The following UMODL1 variants were observed in gnomAD, a reference collection of about 807,000 sequenced individuals.
The protein encoded by UMODL1 is uromodulin-like 1.
A neutral mutation model predicts 136.3 loss-of-function variants in UMODL1; 128 were observed. The ratio of observed to expected loss-of-function variants is 0.94; its 90% CI spans 0.81 to 1.09. The LOEUF is 1.09. Among genes scored for constraint, UMODL1 ranks in the 50% least tolerant of loss-of-function variants. The pLI, the probability that UMODL1 is intolerant of heterozygous loss-of-function variation, is 0.00. For missense variants in UMODL1, 1,766 were observed against 1,725.6 expected (o/e 1.02, Z -0.41); for synonymous variants, 721 against 720.0 (o/e 1.00, Z -0.02).
At position 42,137,608 on chromosome 21, in the gene UMODL1, G is replaced by A; in HGVS notation, c.3945G>A (p.Val1315=). Residue 1315 remains valine (V), a synonymous_variant, in exon 22 of 23, where the codon GTG becomes GTA. Coordinates refer to ENST00000408910, the MANE Select transcript of UMODL1 (RefSeq NM_001004416.3). The part of the protein sequence containing the change: ...KIQSNNFSYQ[V]FYE ...AGTCCAACAACTTCAGCTACCAGGT[G>A]TTCTACGAATAGGAGGCGCAGGCTG... 1 of 1,613,200 alleles carries A rather than the reference G, an allele frequency of 6.2e-7. No homozygotes were observed. The highest frequency in any genetic ancestry group is 1.1e-5 in the South Asian group (1 of 91,064).
At chr21:42,079,683 C>T (rs2066337389) in intron 2 of UMODL1, among the ~76,000 whole-genome samples, 1 of 152,202 alleles carries the variant, frequency 6.6e-6, no homozygotes, top group South Asian at 2.1e-4. Context: ...CCCTCCAATC[C>T]CTCGGGCACC....
rs756799937 is a variant in UMODL1 at position 42,137,569 on chromosome 21, C to T, written c.3906C>T (p.Tyr1302=). 1.2e-6 allele frequency: 2 copies of T among 1,614,168 alleles called. No individual in the cohort carries two copies. Among genetic ancestry groups the T allele is most frequent in the Admixed American group, 1.7e-5 (1 of 60,026 alleles). ...IVRYQRMNGR[Y]NFKIQSNNFS... is the part of the protein sequence containing the mutation. ...GCTACCAGAGAATGAATGGGAGATACAACTTTAAAATCCAGTCCAACAACT... is the reference window on the plus strand; with the variant it reads ...GCTACCAGAGAATGAATGGGAGATATAACTTTAAAATCCAGTCCAACAACT... The change falls in exon 22 of 23, where the codon TAC becomes TAT. Residue 1302 remains tyrosine (Y), a synonymous_variant. Transcript: ENST00000408910.
At chr21:42,075,241 T>C (rs1346349175) in intron 1 of UMODL1, among the ~76,000 whole-genome samples, 2 of 142,916 alleles carry the variant, frequency 1.4e-5, no homozygotes, top group Non-Finnish European at 3.1e-5. Context: ...TTGCTGGAGA[T>C]GGGGGGGGGG....
chr21:42,088,187 TGGTAC>T (rs546744894), intron 4 of UMODL1, 102 bp from the exon 5 acceptor site: 72 of 1,175,866 alleles, frequency 6.1e-5, no homozygotes, highest in Non-Finnish European at 8.2e-5. Flanking sequence ...AAGAGCAGAA[TGGTAC>T]GTGTGTGTGG....
At chr21:42,087,321 G>T (rs2066437558) in intron 4 of UMODL1, among the ~76,000 whole-genome samples, 1 of 152,128 alleles carries the variant, frequency 6.6e-6, no homozygotes. Context: ...ATTATGAGCT[G>T]CATCTCCTCC....
At position 42,102,124 on chromosome 21, in the gene UMODL1, G is replaced by A. The variant is rs1238192886; in HGVS notation, c.1187-42G>A. On this transcript the variant is annotated intron_variant, in intron 7 of 22. Transcript: ENST00000408910. ...GGAAAACATTAACAGACAAGTGTGT[G>A]ACTTTTGACCACAGGCTAATTTGTT... is the stretch of plus-strand genomic sequence containing the variant. The A allele has an allele frequency of 9.5e-6, 14 of 1,479,452 alleles. No individual in the cohort carries two copies. In the East Asian group the frequency reaches 1.1e-4, roughly 12 times the overall value. 91.6% of individuals were successfully genotyped at this position (1,479,452 alleles called of 1,614,324 possible). A position where few individuals can be genotyped will look rare whatever the true frequency, so the allele number is the denominator to read the frequency against.
At chr21:42,129,528 A>C (rs1410812556) in intron 20 of UMODL1, among the ~76,000 whole-genome samples, 185 bp from the exon 21 acceptor site, 2 of 152,120 alleles carry the variant, frequency 1.3e-5, no homozygotes. Flanking sequence ...CTCTTGTTGC[A>C]CCAGGACCCA....
intron 1 of UMODL1, 120 bp downstream of exon 1, chr21:42,071,512 C>T (rs1248630847): frequency 1.8e-5 from 18 of 1,026,414 alleles, no homozygotes; most frequent in South Asian, 1.4e-4. Context: ...CTTGGAGAGG[C>T]GACATCTGTT....
intron 21 of UMODL1, among the ~76,000 whole-genome samples, chr21:42,137,084 T>G (rs573869065): frequency 5.1e-4 from 78 of 152,330 alleles, no homozygotes; most frequent in African/African-American, 1.8e-3. Flanking sequence ...ATTGCTCCTC[T>G]GGGTCTGGGG....
At chr21:42,106,715 C>A (rs891932468) in intron 9 of UMODL1, among the ~76,000 whole-genome samples, 1 of 152,246 alleles carries the variant, frequency 6.6e-6, no homozygotes, top group African/African-American at 2.4e-5. Flanking sequence ...GCGGCCAAAC[C>A]TCCTGCTCAC....
In UMODL1 at chr21:42,111,321, A is replaced by G. The variant is rs376071042; in HGVS notation, c.1900-185A>G. ...AGCACCAGCCACGCGAACTCCAGCC[A>G]GGGGAGCCCCAGCCAGGGGAGCCCC... On this transcript the variant is annotated intron_variant, in intron 11 of 22. Coordinates refer to ENST00000408910, the MANE Select transcript of UMODL1 (RefSeq NM_001004416.3). 46 of 1,465,762 alleles carry G rather than the reference A, an allele frequency of 3.1e-5. No homozygotes were observed. In the African/African-American group the frequency reaches 5.5e-4, roughly 17 times the overall value. 90.8% of individuals were successfully genotyped at this position (1,465,762 alleles called of 1,614,324 possible).
At chr21:42,113,428 C>T (rs2066862236) in intron 12 of UMODL1, 145 bp from the exon 13 acceptor site, 2 of 977,870 alleles carry the variant, frequency 2.0e-6, no homozygotes, top group Non-Finnish European at 3.0e-6. Flanking sequence ...GTACAGGATC[C>T]TACTCACCCA....
At chr21:42,088,577 T>A in intron 5 of UMODL1, 97 bp downstream of exon 5, 1 of 1,273,876 alleles carries the variant, frequency 7.9e-7, no homozygotes, top group Non-Finnish European at 1.1e-6. Context: ...CAGTCCTTTG[T>A]CTTTTAAAGG....
At position 42,142,783 on chromosome 21, in the gene UMODL1, T is replaced by C. The variant is rs2067300354; in HGVS notation, c.*709T>C. 6.6e-6 allele frequency: 1 copy of C among 152,222 alleles called. No homozygotes were observed. The highest frequency in any genetic ancestry group is 2.1e-4 in the South Asian group (1 of 4,828). 9.4% of individuals were successfully genotyped at this position (152,222 alleles called of 1,614,324 possible). On this transcript the variant is annotated 3_prime_UTR_variant, in exon 23 of 23. Transcript: ENST00000408910. ...GCATTTTCACAGCCGTTTCTTCATA[T>C]AATCCGACCACAGTGGGAGGTGTGA...
chr21:42,112,090 G>A (rs1601241410), intron 12 of UMODL1, among the ~76,000 whole-genome samples: 1 of 148,306 alleles, frequency 6.7e-6, no homozygotes, highest in East Asian at 2.0e-4. Flanking sequence ...TCCCGGCCCC[G>A]ATCAGTGTGA....
intron 22 of UMODL1, among the ~76,000 whole-genome samples, chr21:42,140,080 T>C (rs912271202): frequency 5.3e-5 from 8 of 152,328 alleles, no homozygotes; most frequent in East Asian, 1.9e-4. Context: ...TTGGAGCCAG[T>C]GTCTACTACA....
chr21:42,121,328 T>C, intron 16 of UMODL1, 104 bp downstream of exon 16: 1 of 1,428,872 alleles, frequency 7.0e-7, no homozygotes, highest in Non-Finnish European at 9.5e-7. Context: ...GGTCATATTT[T>C]TATGTCCTGG....
At chr21:42,117,502 C>T (rs1247028615) in intron 14 of UMODL1, among the ~76,000 whole-genome samples, 1 of 152,216 alleles carries the variant, frequency 6.6e-6, no homozygotes, top group Non-Finnish European at 1.5e-5. Flanking sequence ...TTCTTGTGGA[C>T]TTTTTGAGGT....
intron 22 of UMODL1, among the ~76,000 whole-genome samples, chr21:42,140,559 T>A (rs2067268219): frequency 2.0e-5 from 3 of 152,206 alleles, no homozygotes; most frequent in African/African-American, 4.8e-5. Flanking sequence ...TTCACATGAC[T>A]GATGGACCCT....
Sources: gnomAD v4.1 joint callset for allele counts (sites outside exome capture counted in the v4.1 genomes callset) on GRCh38, gnomAD v4.1.1 for gene constraint, MANE v1.5 for transcripts, NCBI Gene and HGNC (gene_info 2026-07-23, HGNC 2026-07-21) for gene names.